OR5V1: variants seen among roughly 807,000 people sequenced by gnomAD.
The protein encoded by OR5V1 is olfactory receptor 5V1.
For synonymous variants in OR5V1, 134 were observed against 143.2 expected, an observed-to-expected ratio of 0.94 and a Z score of 0.46; for missense variants, 365 against 371.5, an observed-to-expected ratio of 0.98 and a Z score of 0.14.
At chr6:29,358,057 G>A (rs1211186541) in intron 1 of OR5V1, among the ~76,000 whole-genome samples, 2 of 152,000 alleles carry the variant, frequency 1.3e-5, no homozygotes, top group African/African-American at 2.4e-5. Context: ...TTCTTTCCTC[G>A]TGAACTACTG....
rs1778440708 is a variant in OR5V1 at position 29,358,931 on chromosome 6, G to A, written c.-82-2654C>T. Among the ~76,000 whole-genome samples, 4 of 152,068 alleles carry A rather than the reference G, an allele frequency of 2.6e-5. No individual in the cohort carries two copies. In the South Asian group the frequency reaches 8.3e-4, roughly 32 times the overall value. ...TGTATATTCCAAAATTGCTAATGGA[G>A]TGGATTTTAAATATTTTCCCCACAA... On this transcript the variant is annotated intron_variant, in intron 1 of 1. Transcript: ENST00000641768.
Position 29,356,083 on chromosome 6 carries a change from G to A in OR5V1, c.113C>T (p.Thr38Ile). ...FTIFFLTYFCTLGGNILIILT... is the reference protein window; with the variant it reads ...FTIFFLTYFCILGGNILIILT... ...GATAATTAATATATTTCCTCCCAAA[G>A]TACAGAAATAAGTCAGAAAGAAGAT... is the stretch of plus-strand genomic sequence containing the variant. Residue 38 changes from threonine (T) to isoleucine (I), a missense_variant, in exon 2 of 2, where the codon ACT (threonine) becomes ATT (isoleucine). Physicochemically the swap from Thr to Ile is moderately conservative, Grantham distance 89. Transcript: ENST00000641768. 1 of 1,613,916 alleles carries A rather than the reference G, an allele frequency of 6.2e-7. No individual in the cohort carries two copies.
At chr6:29,367,371 A>T (rs1778904980) in intron 1 of OR5V1, among the ~76,000 whole-genome samples, 1 of 152,188 alleles carries the variant, frequency 6.6e-6, no homozygotes, top group Non-Finnish European at 1.5e-5. Context: ...TATGGTGCAT[A>T]TTCTGTCTTA....
chr6:29,367,583 T>C (rs16894771), intron 1 of OR5V1, among the ~76,000 whole-genome samples: 23,841 of 152,168 alleles, frequency 0.16, 2,188 homozygotes, highest in East Asian at 0.39. Flanking sequence ...TTTATTCTTA[T>C]AACATTTATA....
Position 29,355,662 on chromosome 6 carries a change from G to C in OR5V1, c.534C>G (p.Phe178Leu), listed in dbSNP as rs147187435. 2 of 1,613,924 alleles carry C rather than the reference G, an allele frequency of 1.2e-6. No homozygotes were observed. The highest frequency in any genetic ancestry group is 1.3e-5 in the African/African-American group (1 of 74,930). ...AGATCAGCAAAGGGGGGATGTCACA[G>C]AAGAAGTAATTAATCTGATTGTTGC... is the stretch of plus-strand genomic sequence containing the variant. ...FCGNNQINYF[F>L]CDIPPLLILS... The change falls in exon 2 of 2, where the codon TTC (phenylalanine) becomes TTG (leucine). Residue 178 changes from phenylalanine to leucine, a missense_variant. Coordinates refer to ENST00000641768, the MANE Select transcript of OR5V1 (RefSeq NM_030876.6).
intron 1 of OR5V1, among the ~76,000 whole-genome samples, chr6:29,358,638 C>A (rs1778425661): frequency 6.6e-6 from 1 of 152,122 alleles, no homozygotes; most frequent in Admixed American, 6.5e-5. Flanking sequence ...AAAGAAAATC[C>A]TGTCATTTCT....
At position 29,354,263 on chromosome 6, in the gene OR5V1, C is replaced by A. The variant is rs373735752; in HGVS notation, c.*967G>T. The A allele has an allele frequency of 6.6e-6, 1 of 151,958 alleles. No homozygotes were observed. The highest frequency in any genetic ancestry group is 2.4e-5 in the African/African-American group (1 of 41,388). 9.4% of individuals were successfully genotyped at this position (151,958 alleles called of 1,614,324 possible). A position where few individuals can be genotyped will look rare whatever the true frequency, so the allele number is the denominator to read the frequency against. On this transcript the variant is annotated 3_prime_UTR_variant, in exon 2 of 2. Transcript: ENST00000641768. ...TAAGTCTCTTTATCTTTTAAATTTT[C>A]TCTCCAGTGTCTGTATTTATTTCTC...
intron 1 of OR5V1, among the ~76,000 whole-genome samples, chr6:29,365,811 C>T (rs1778824036): frequency 6.6e-6 from 1 of 152,098 alleles, no homozygotes; most frequent in African/African-American, 2.4e-5. Context: ...TGGGTATATA[C>T]CCAAAGGATT....
chr6:29,361,083 A>G (rs1351369626), intron 1 of OR5V1, among the ~76,000 whole-genome samples: 2 of 152,188 alleles, frequency 1.3e-5, no homozygotes, highest in Non-Finnish European at 2.9e-5. Flanking sequence ...AGAGAAAAAC[A>G]TAAGTGACTT....
chr6:29,368,483 T>C (rs957794956), intron 1 of OR5V1, 149 bp downstream of exon 1: 1 of 152,122 alleles, frequency 6.6e-6, no homozygotes, highest in African/African-American at 2.4e-5. Flanking sequence ...GGACAGACAA[T>C]TTTATTATTC....
intron 1 of OR5V1, among the ~76,000 whole-genome samples, chr6:29,358,449 C>T (rs560373187): frequency 7.2e-5 from 11 of 152,178 alleles, no homozygotes; most frequent in East Asian, 1.9e-4. Flanking sequence ...TCCAGCAATT[C>T]CACTTCTGGA....
In OR5V1 at chr6:29,368,710, G is replaced by A. The variant is rs949286483; in HGVS notation, c.-161C>T. On this transcript the variant is annotated 5_prime_UTR_variant, in exon 1 of 2. Coordinates refer to ENST00000641768, the MANE Select transcript of OR5V1 (RefSeq NM_030876.6). ...ATGGGGCTGTTTTTAAGAATACAACGAAGTAACACAAAATAATGTTCCCTA... is the reference window on the plus strand; with the variant it reads ...ATGGGGCTGTTTTTAAGAATACAACAAAGTAACACAAAATAATGTTCCCTA... The A allele has an allele frequency of 3.3e-5, 5 of 152,114 alleles. No individual in the cohort carries two copies. Among genetic ancestry groups the A allele is most frequent in the South Asian group, 2.1e-4 (1 of 4,820 alleles). 9.4% of individuals were successfully genotyped at this position (152,114 alleles called of 1,614,324 possible). A position where few individuals can be genotyped will look rare whatever the true frequency, so the allele number is the denominator to read the frequency against.
Position 29,355,870 on chromosome 6 carries a change from C to T in OR5V1, c.326G>A (p.Gly109Glu). 6.2e-7 allele frequency: 1 copy of T among 1,613,968 alleles called. No individual in the cohort carries two copies. The highest frequency in any genetic ancestry group is 2.2e-5 in the East Asian group (1 of 44,874). The change falls in exon 2 of 2, where the codon GGA (glycine) becomes GAA (glutamate). Residue 109 changes from glycine (G) to glutamate (E), a missense_variant. Gly to Glu is a moderately conservative substitution (Grantham distance 98). Transcript: ENST00000641768. ...TGCTGCCAGTAGGAGACACTCTGAT[C>T]CTACAAAGAAAACAAATGCAAAAAG... ...VQLFAFVFFV[G>E]SECLLLAAMA...
Position 29,355,267 on chromosome 6 carries a change from G to A in OR5V1, c.929C>T (p.Pro310Leu). ...AVKTIGSKWQ[P>L]PISSLDSKLT... is the part of the protein sequence containing the mutation. ...TTTACTATCCAAAGAGGAAATTGGT[G>A]GCTGCCACTTGCTCCCTATAGTTTT... The change falls in exon 2 of 2, where the codon CCA (proline) becomes CTA (leucine). Residue 310 changes from proline (P) to leucine (L), a missense_variant. By Grantham distance (98) the Pro-to-Leu change is moderately conservative. Transcript: ENST00000641768. The A allele has an allele frequency of 6.2e-7, 1 of 1,605,370 alleles. No individual in the cohort carries two copies. Among genetic ancestry groups the A allele is most frequent in the Non-Finnish European group, 8.5e-7 (1 of 1,177,384 alleles).
Position 29,354,515 on chromosome 6 carries a change from C to A in OR5V1, c.*715G>T, listed in dbSNP as rs574697890. The A allele has an allele frequency of 2.6e-5, 4 of 151,740 alleles. No homozygotes were observed. Among genetic ancestry groups the A allele is most frequent in the African/African-American group, 9.7e-5 (4 of 41,310 alleles). 9.4% of individuals were successfully genotyped at this position (151,740 alleles called of 1,614,324 possible). On this transcript the variant is annotated 3_prime_UTR_variant, in exon 2 of 2. Transcript: ENST00000641768. ...CTGATTCTGTTTTCTAAATTTTTAGCGAAAAAAGTTTCCCAAATTTAAGAT... is the reference window on the plus strand; with the variant it reads ...CTGATTCTGTTTTCTAAATTTTTAGAGAAAAAAGTTTCCCAAATTTAAGAT...
chr6:29,363,860 G>A (rs1024051352), intron 1 of OR5V1, among the ~76,000 whole-genome samples: 4 of 152,150 alleles, frequency 2.6e-5, no homozygotes, highest in African/African-American at 7.2e-5. Context: ...GCAAAAGCTG[G>A]AAGCGTACTC....
chr6:29,365,156 G>T (rs547761964), intron 1 of OR5V1, among the ~76,000 whole-genome samples: 9 of 152,098 alleles, frequency 5.9e-5, no homozygotes, highest in African/African-American at 2.2e-4. Context: ...ACTCAAGATG[G>T]ATTAAAGACT....
intron 1 of OR5V1, among the ~76,000 whole-genome samples, chr6:29,366,734 C>T (rs529474680): frequency 6.6e-6 from 1 of 152,202 alleles, no homozygotes; most frequent in South Asian, 2.1e-4. Flanking sequence ...TTTTTCTTGC[C>T]AGACCATTCC....
At chr6:29,363,286 C>T (rs1010603508) in intron 1 of OR5V1, among the ~76,000 whole-genome samples, 2 of 152,128 alleles carry the variant, frequency 1.3e-5, no homozygotes, top group Non-Finnish European at 2.9e-5. Flanking sequence ...ATAACAAGTA[C>T]TGAAATTGAG....
Sources: gnomAD v4.1 joint callset for allele counts (sites outside exome capture counted in the v4.1 genomes callset) on GRCh38, gnomAD v4.1.1 for gene constraint, MANE v1.5 for transcripts, NCBI Gene and HGNC (gene_info 2026-07-23, HGNC 2026-07-21) for gene names.